The following ZMYM4 variants were observed in gnomAD, a reference collection of about 807,000 sequenced individuals.
ZMYM4 encodes the protein zinc finger MYM-type protein 4.
Under a neutral mutation model 183.2 loss-of-function variants are expected in ZMYM4, and 31 were observed. The ratio of observed to expected loss-of-function variants is 0.17; its 90% CI spans 0.13 to 0.23. The LOEUF (loss-of-function observed/expected upper bound fraction) is 0.23. ZMYM4 is among the 10% of genes least tolerant of loss of function. The probability of loss-of-function intolerance (pLI) is 1.00; values close to 1 mark genes in which losing one functional copy is unlikely to be tolerated. For synonymous variants in ZMYM4, 592 were observed against 631.2 expected, an observed-to-expected ratio of 0.94 and a Z score of 0.93; for missense variants, 1,273 against 1,840.3, an observed-to-expected ratio of 0.69 and a Z score of 5.64.
intron 5 of ZMYM4, among the ~76,000 whole-genome samples, chr1:35,367,462 C>T (rs1644113142): frequency 1.3e-5 from 2 of 151,974 alleles, no homozygotes; most frequent in Non-Finnish European, 2.9e-5. Context: ...CTCCTAACCT[C>T]AGGTGATCCA....
intron 18 of ZMYM4, among the ~76,000 whole-genome samples, chr1:35,394,660 A>G (rs556110445): frequency 7.2e-5 from 11 of 152,152 alleles, no homozygotes; most frequent in African/African-American, 2.4e-4. Context: ...GTTCTTACCA[A>G]ATTTGAACAG....
At chr1:35,291,700 C>T (rs1349877535) in intron 1 of ZMYM4, among the ~76,000 whole-genome samples, 1 of 147,028 alleles carries the variant, frequency 6.8e-6, no homozygotes, top group Admixed American at 7.0e-5. Context: ...TGCAATGGTG[C>T]AATCTCAGCT....
intron 1 of ZMYM4, among the ~76,000 whole-genome samples, chr1:35,293,354 C>G (rs1640853852): frequency 1.3e-5 from 2 of 152,018 alleles, no homozygotes; most frequent in South Asian, 4.2e-4. Flanking sequence ...CACTCTGTCA[C>G]CGAGGCTGGA....
intron 2 of ZMYM4, among the ~76,000 whole-genome samples, chr1:35,353,659 T>C (rs146788084): frequency 6.6e-6 from 1 of 152,336 alleles, no homozygotes; most frequent in African/African-American, 2.4e-5. Context: ...TGTTTTGTTC[T>C]CTTGATATAA....
intron 2 of ZMYM4, among the ~76,000 whole-genome samples, chr1:35,328,754 G>A (rs1642613088): frequency 6.6e-6 from 1 of 152,078 alleles, no homozygotes; most frequent in Admixed American, 6.6e-5. Context: ...TCTGTGAGGG[G>A]AATTCAGGAA....
intron 2 of ZMYM4, among the ~76,000 whole-genome samples, chr1:35,356,532 G>A (rs985360137): frequency 1.3e-5 from 2 of 152,050 alleles, no homozygotes; most frequent in Non-Finnish European, 2.9e-5. Flanking sequence ...TTGCCTCTAC[G>A]TTTATTAGCA....
chr1:35,368,319 C>A (rs1291603767), intron 5 of ZMYM4, among the ~76,000 whole-genome samples: 2 of 151,982 alleles, frequency 1.3e-5, no homozygotes, highest in African/African-American at 4.8e-5. Flanking sequence ...TTTTCTTATT[C>A]TTTTAATGTG....
chr1:35,405,411 T>C lies in ZMYM4; in HGVS notation c.3739T>C (p.Leu1247=). Residue 1247 remains leucine (L), a synonymous_variant, in exon 25 of 30, where the codon TTA becomes CTA. Transcript: ENST00000314607. The part of the protein sequence containing the change: ...QASSSPRSDP[L]GSTQDHALSQ... ...CTCATCTAGCCCACGTTCTGACCCC[T>C]TAGGAAGTACTCAAGACCATGCACT... is the stretch of plus-strand genomic sequence containing the variant. 1.9e-6 allele frequency: 3 copies of C among 1,613,698 alleles called. No homozygotes were observed. Among genetic ancestry groups the C allele is most frequent in the Non-Finnish European group, 2.5e-6 (3 of 1,179,872 alleles).
chr1:35,335,046 C>G (rs945020881), intron 2 of ZMYM4, among the ~76,000 whole-genome samples: 2 of 152,146 alleles, frequency 1.3e-5, no homozygotes, highest in African/African-American at 4.8e-5. Flanking sequence ...TTTTCATGCT[C>G]TTGATGCCAA....
chr1:35,412,153 A>ACCATT (rs1639938803), intron 26 of ZMYM4, among the ~76,000 whole-genome samples: 1 of 151,814 alleles, frequency 6.6e-6, no homozygotes, highest in African/African-American at 2.4e-5. Flanking sequence ...TGCTGGGATT[A>ACCATT]CAGGCATGAG....
chr1:35,412,529 G>A (rs1167061211), intron 26 of ZMYM4, among the ~76,000 whole-genome samples: 3 of 152,042 alleles, frequency 2.0e-5, no homozygotes, highest in East Asian at 3.8e-4. Context: ...TGCGTTATAT[G>A]TACTGATATA....
intron 2 of ZMYM4, among the ~76,000 whole-genome samples, chr1:35,346,149 T>G (rs1440983674): frequency 6.6e-6 from 1 of 152,238 alleles, no homozygotes; most frequent in Non-Finnish European, 1.5e-5. Context: ...TTCCATTGTA[T>G]GTATATACCA....
intron 26 of ZMYM4, among the ~76,000 whole-genome samples, chr1:35,413,076 T>C (rs916156582): frequency 3.3e-5 from 5 of 152,006 alleles, no homozygotes; most frequent in African/African-American, 4.8e-5. Flanking sequence ...AGGGTCTTGC[T>C]CTGTTACCCA....
At position 35,415,714 on chromosome 1, in the gene ZMYM4, G is replaced by A; in HGVS notation, c.4309G>A (p.Asp1437Asn). 1 of 1,610,118 alleles carries A rather than the reference G, an allele frequency of 6.2e-7. No individual in the cohort carries two copies. Among genetic ancestry groups the A allele is most frequent in the Non-Finnish European group, 8.5e-7 (1 of 1,179,858 alleles). ...TTTACAGAAGCAGGAGTCAGAACCA[G>A]GTACGGGATACTGTTTGTCAGATTT... is the stretch of plus-strand genomic sequence containing the variant. ...PPLQKQESEPDKLTVGKRKRN... is the reference protein window; with the variant it reads ...PPLQKQESEPNKLTVGKRKRN... The change falls in exon 28 of 30, where the codon GAT (aspartate) becomes AAT (asparagine). Residue 1437 changes from aspartate (D) to asparagine (N), a missense_variant and splice_region_variant. Transcript: ENST00000314607.
intron 2 of ZMYM4, among the ~76,000 whole-genome samples, chr1:35,357,131 C>G (rs1040847823): frequency 6.6e-6 from 1 of 152,196 alleles, no homozygotes; most frequent in Non-Finnish European, 1.5e-5. Context: ...CTCAAACAAT[C>G]CTCTGGCCTC....
chr1:35,286,772 ATTTTTTTTTTTTTTTTTTTT>A (rs71062872), intron 1 of ZMYM4, among the ~76,000 whole-genome samples: 20 of 46,462 alleles, frequency 4.3e-4, no homozygotes, highest in Admixed American at 7.4e-4. Context: ...TATTTAAATA[ATTTTTTTTTTTTTTTTTTTT>A]TTTTTTTTTT....
chr1:35,291,315 G>A (rs1640750496), intron 1 of ZMYM4, among the ~76,000 whole-genome samples: 1 of 151,974 alleles, frequency 6.6e-6, no homozygotes. Context: ...AGGGTGCCGG[G>A]TCTTGCTTTG....
intron 7 of ZMYM4, among the ~76,000 whole-genome samples, chr1:35,373,225 A>AAT (rs1287647539): frequency 6.2e-4 from 92 of 149,572 alleles, no homozygotes; most frequent in African/African-American, 1.6e-3. Context: ...AGTATAAATA[A>AAT]ATATATATAT....
rs1178874225 is a variant in ZMYM4 at position 35,389,461 on chromosome 1, T to C, written c.2436+379T>C. On this transcript the variant is annotated intron_variant, in intron 14 of 29. Transcript: ENST00000314607. The surrounding 1 kb of genome is among the most constrained non-coding windows in gnomAD (Gnocchi z 4.0). ...GTTACATGTGTTTTTTAAAAAAAAT[T>C]AGTATAAAATCAGCTGGGCGCGGTG... is the stretch of plus-strand genomic sequence containing the variant. Among the ~76,000 whole-genome samples, 1 of 152,118 alleles carries C rather than the reference T, an allele frequency of 6.6e-6. No individual in the cohort carries two copies. The highest frequency in any genetic ancestry group is 1.5e-5 in the Non-Finnish European group (1 of 68,010).
Sources: allele counts gnomAD v4.1 joint callset (sites outside exome capture counted in the v4.1 genomes callset), GRCh38; gene constraint gnomAD v4.1.1; non-coding constraint Gnocchi (gnomAD v3.1); transcripts MANE v1.5; gene names NCBI Gene and HGNC (gene_info 2026-07-23, HGNC 2026-07-21).